OSBPL9: variants seen among roughly 807,000 people sequenced by gnomAD.
OSBPL9 encodes oxysterol binding protein like 9.
Under a neutral mutation model 106.6 loss-of-function variants are expected in OSBPL9, and 40 were observed. The ratio of observed to expected loss-of-function variants is 0.38; its 90% CI spans 0.29 to 0.49. OSBPL9 has a LOEUF of 0.49. Among genes scored for constraint, OSBPL9 ranks in the 20% least tolerant of loss-of-function variants. OSBPL9 has a pLI of 0.97. For synonymous variants in OSBPL9, 269 were observed against 295.4 expected, an observed-to-expected ratio of 0.91 and a Z score of 0.92; for missense variants, 609 against 887.2, an observed-to-expected ratio of 0.69 and a Z score of 3.98.
chr1:51,760,553 A>T, intron 9 of OSBPL9, 137 bp from the exon 10 acceptor site: 75 of 1,164,988 alleles, frequency 6.4e-5, no homozygotes, highest in Non-Finnish European at 7.8e-5. Context: ...AAGGTGTTTC[A>T]TTCCCTCTTT....
At position 51,750,183 on chromosome 1, in the gene OSBPL9, G is replaced by A. The variant is rs750566847; in HGVS notation, c.531G>A (p.Leu177=). Residue 177 remains leucine, a synonymous_variant, in exon 8 of 24, where the codon CTG becomes CTA. Transcript: ENST00000428468. ...VESIKHCIVL[L]QIAKDQSNAE... ...CAATTAAACACTGCATTGTGTTGCT[G>A]CAGATTGCCAAAGTAAGTAAATTTT... 3 of 1,605,654 alleles carry A rather than the reference G, an allele frequency of 1.9e-6. No individual in the cohort carries two copies. Among genetic ancestry groups the A allele is most frequent in the Non-Finnish European group, 2.6e-6 (3 of 1,176,222 alleles).
chr1:51,715,422 GTTTT>G (rs1310436744), intron 4 of OSBPL9, among the ~76,000 whole-genome samples: 1 of 152,074 alleles, frequency 6.6e-6, no homozygotes, highest in Non-Finnish European at 1.5e-5. Flanking sequence ...GAGGATAAGT[GTTTT>G]TTGTTTGTTT....
intron 4 of OSBPL9, among the ~76,000 whole-genome samples, chr1:51,736,303 A>G (rs1472024707): frequency 1.3e-5 from 2 of 152,194 alleles, no homozygotes; most frequent in Non-Finnish European, 2.9e-5. Context: ...ACTCATTGGC[A>G]GCTAAAATTA....
At chr1:51,780,252 CTT>C (rs1676057153) in intron 15 of OSBPL9, among the ~76,000 whole-genome samples, 1 of 151,148 alleles carries the variant, frequency 6.6e-6, no homozygotes, top group Non-Finnish European at 1.5e-5. Context: ...AAAGGGAACA[CTT>C]TTACACTGCT....
At position 51,761,872 on chromosome 1, in the gene OSBPL9, G is replaced by C; in HGVS notation, c.679G>C (p.Val227Leu). Residue 227 changes from valine to leucine, a missense_variant, in exon 11 of 24, where the codon GTT becomes CTT. Physicochemically the swap from Val to Leu is conservative, Grantham distance 32 (BLOSUM62 1). Transcript: ENST00000428468. ...TATACGTTCAAATCTCCTAGAACCTGTTCAGTTGTGTAAGTCAGAGCAGCG... is the reference window on the plus strand; with the variant it reads ...TATACGTTCAAATCTCCTAGAACCTCTTCAGTTGTGTAAGTCAGAGCAGCG... ...PSQTVLPPEP[V>L]QLCKSEQRPS... is the part of the protein sequence containing the mutation. The C allele has an allele frequency of 6.2e-7, 1 of 1,610,912 alleles. No homozygotes were observed. Among genetic ancestry groups the C allele is most frequent in the Admixed American group, 1.7e-5 (1 of 60,012 alleles).
the OSBPL9 span, among the ~76,000 whole-genome samples, chr1:51,545,860 A>C: frequency 1.4e-4 from 21 of 152,246 alleles, no homozygotes; most frequent in Non-Finnish European, 1.9e-4. Flanking sequence ...TCAAGGCTTG[A>C]ATAGTATAAT....
At chr1:51,719,789 C>T (rs1403543856) in intron 4 of OSBPL9, among the ~76,000 whole-genome samples, 1 of 151,948 alleles carries the variant, frequency 6.6e-6, no homozygotes, top group African/African-American at 2.4e-5. Flanking sequence ...AACTATACAT[C>T]CAAAAGAAAA....
At chr1:51,587,140 C>T (rs1645251319) in intron 1 of OSBPL9, among the ~76,000 whole-genome samples, 1 of 152,142 alleles carries the variant, frequency 6.6e-6, no homozygotes, top group Admixed American at 6.6e-5. Flanking sequence ...CCGAGGTGGA[C>T]AGATCAGTTG....
chr1:51,634,168 C>T (rs1645281080), intron 1 of OSBPL9, among the ~76,000 whole-genome samples: 5 of 152,078 alleles, frequency 3.3e-5, no homozygotes, highest in Non-Finnish European at 2.9e-5. Flanking sequence ...TTCTTGTTCC[C>T]TTTTTATAAT....
intron 1 of OSBPL9, among the ~76,000 whole-genome samples, chr1:51,627,722 T>TG (rs1166696065): frequency 1.4e-5 from 2 of 146,958 alleles, no homozygotes; most frequent in Non-Finnish European, 3.0e-5. Flanking sequence ...CTCCTAATTC[T>TG]GTTTTTTTTT....
intron 2 of OSBPL9, among the ~76,000 whole-genome samples, chr1:51,607,702 A>C (rs923381910): frequency 6.6e-6 from 1 of 152,140 alleles, no homozygotes; most frequent in Non-Finnish European, 1.5e-5. Context: ...AGCTATGTCT[A>C]TCTGTTAGCA....
chr1:51,634,118 G>A (rs1191736956), intron 1 of OSBPL9, among the ~76,000 whole-genome samples: 1 of 152,120 alleles, frequency 6.6e-6, no homozygotes, highest in African/African-American at 2.4e-5. Flanking sequence ...TTTGTGTGTT[G>A]CACAAATTTT....
intron 1 of OSBPL9, among the ~76,000 whole-genome samples, chr1:51,592,542 A>G (rs1645282285): frequency 6.6e-6 from 1 of 152,206 alleles, no homozygotes; most frequent in Non-Finnish European, 1.5e-5. Flanking sequence ...ACTGGGCTGG[A>G]AACAAAAGAA....
intron 4 of OSBPL9, among the ~76,000 whole-genome samples, chr1:51,721,686 G>A (rs1029806019): frequency 6.6e-6 from 1 of 152,084 alleles, no homozygotes; most frequent in East Asian, 1.9e-4. Flanking sequence ...AGTATATAAG[G>A]ATCGGTTTAT....
At chr1:51,527,011 T>C in the OSBPL9 span, among the ~76,000 whole-genome samples, 3 of 152,170 alleles carry the variant, frequency 2.0e-5, no homozygotes, top group African/African-American at 4.8e-5. Flanking sequence ...CCTAAAGTGC[T>C]GGGATTACAG....
At chr1:51,558,801 T>A in the OSBPL9 span, among the ~76,000 whole-genome samples, 2 of 152,194 alleles carry the variant, frequency 1.3e-5, no homozygotes, top group African/African-American at 4.8e-5. Context: ...GCCCCGGCTT[T>A]TCTGGGCAGT....
At chr1:51,750,590 G>T (rs1165827130) in intron 8 of OSBPL9, among the ~76,000 whole-genome samples, 3 of 152,046 alleles carry the variant, frequency 2.0e-5, no homozygotes, top group Non-Finnish European at 4.4e-5. Flanking sequence ...AATTTTTACG[G>T]ATTTTTTTCT....
At chr1:51,783,856 TG>T in intron 17 of OSBPL9, 58 bp from the exon 18 acceptor site, 1 of 1,256,932 alleles carries the variant, frequency 8.0e-7, no homozygotes, top group Non-Finnish European at 1.2e-6. Context: ...CCAGGTTATG[TG>T]ATTTTGGAGA....
chr1:51,746,858 A>G, intron 6 of OSBPL9, 101 bp downstream of exon 6: 1 of 926,222 alleles, frequency 1.1e-6, no homozygotes, highest in Non-Finnish European at 1.6e-6. Context: ...TAATAATATT[A>G]TTGACCTAGT....
Sources: allele counts gnomAD v4.1 joint callset (sites outside exome capture counted in the v4.1 genomes callset), GRCh38; gene constraint gnomAD v4.1.1; transcripts MANE v1.5; gene names NCBI Gene and HGNC (gene_info 2026-07-23, HGNC 2026-07-21).